Variants in GRB10 observed in about 807,000 individuals in gnomAD.
GRB10 encodes growth factor receptor bound protein 10, also known as growth factor receptor-bound protein 10.
In GRB10, 20 loss-of-function variants were observed where a neutral mutation model predicts 80.9. That is an observed-to-expected ratio of 0.25 (90% CI 0.17 to 0.36). The LOEUF is 0.36. GRB10 is among the 10% of genes least tolerant of loss of function. GRB10 has a pLI of 1.00. For synonymous variants in GRB10, 291 were observed against 291.5 expected (o/e 1.00, Z 0.02); for missense variants, 548 against 747.7 (o/e 0.73, Z 3.12).
chr7:50,670,557 T>C (rs936564995), intron 6 of GRB10, among the ~76,000 whole-genome samples: 4 of 150,326 alleles, frequency 2.7e-5, no homozygotes, highest in African/African-American at 4.9e-5. Flanking sequence ...GAAGTTTTGT[T>C]GTCCTGGGTG....
At chr7:50,721,452 C>G (rs1237935237) in intron 4 of GRB10, among the ~76,000 whole-genome samples, 1 of 152,166 alleles carries the variant, frequency 6.6e-6, no homozygotes, top group Non-Finnish European at 1.5e-5. Context: ...TTCAAGTAGC[C>G]CTTACTATAC....
At chr7:50,681,853 C>T (rs922592082) in intron 5 of GRB10, among the ~76,000 whole-genome samples, 2 of 152,250 alleles carry the variant, frequency 1.3e-5, no homozygotes, top group Non-Finnish European at 2.9e-5. Context: ...CCCTAGCCTT[C>T]CTGCTTCTGC....
chr7:50,750,222 C>A (rs892846531), intron 3 of GRB10, among the ~76,000 whole-genome samples: 1 of 152,250 alleles, frequency 6.6e-6, no homozygotes, highest in Non-Finnish European at 1.5e-5. Flanking sequence ...CTCTTGGGAG[C>A]TGCCAAGGCA....
intron 6 of GRB10, among the ~76,000 whole-genome samples, chr7:50,670,067 G>C (rs1271227967): frequency 6.6e-6 from 1 of 152,214 alleles, no homozygotes; most frequent in East Asian, 1.9e-4. Flanking sequence ...TGAACAATAT[G>C]TGGCATATCC....
chr7:50,621,493 G>A (rs1334622474), intron 8 of GRB10, among the ~76,000 whole-genome samples: 1 of 152,216 alleles, frequency 6.6e-6, no homozygotes, highest in Non-Finnish European at 1.5e-5. Context: ...CGTGGCAGGT[G>A]ACCCCTTTCT....
intron 9 of GRB10, among the ~76,000 whole-genome samples, chr7:50,618,452 C>A (rs2190499): frequency 6.6e-6 from 1 of 152,120 alleles, no homozygotes. Flanking sequence ...AAGTGCACAG[C>A]GTGAGATAAA....
intron 2 of GRB10, among the ~76,000 whole-genome samples, chr7:50,777,911 G>C (rs2077866856): frequency 6.6e-6 from 1 of 152,142 alleles, no homozygotes; most frequent in Admixed American, 6.5e-5. Context: ...ACCAGGGCCT[G>C]TCAGGGAGGG....
chr7:50,717,450 A>AGT (rs10559456), intron 4 of GRB10, among the ~76,000 whole-genome samples: 6,182 of 151,572 alleles, frequency 0.041, 207 homozygotes, highest in East Asian at 0.16. Context: ...AAGCTTGAAG[A>AGT]GTGTGTGTGT....
chr7:50,627,259 C>A (rs567934012), intron 7 of GRB10, among the ~76,000 whole-genome samples: 1 of 152,238 alleles, frequency 6.6e-6, no homozygotes, highest in Non-Finnish European at 1.5e-5. Flanking sequence ...ACGGCTAAAC[C>A]ACCAAACCTG....
intron 9 of GRB10, among the ~76,000 whole-genome samples, chr7:50,618,856 A>G (rs906569137): frequency 6.6e-6 from 1 of 152,278 alleles, no homozygotes; most frequent in Non-Finnish European, 1.5e-5. Context: ...GTGTTTGATC[A>G]GTTCAACTGA....
At chr7:50,777,427 T>TACACACACACACACAC (rs1165846037) in intron 2 of GRB10, among the ~76,000 whole-genome samples, 5 of 24,476 alleles carry the variant, frequency 2.0e-4, no homozygotes, top group East Asian at 3.1e-3. Flanking sequence ...CAGCAATCTG[T>TACACACACACACACAC]ATACACACAC....
chr7:50,699,902 G>A (rs759524000), intron 5 of GRB10, among the ~76,000 whole-genome samples: 3 of 152,142 alleles, frequency 2.0e-5, no homozygotes, highest in Admixed American at 6.5e-5. Flanking sequence ...TTGGGAGGCC[G>A]AGGCGGGCAG....
chr7:50,592,853 C>T lies in GRB10; in HGVS notation c.*99G>A. ...AACAAACCCATCTCGCTCTGGGTCC[C>T]CAGGTGCAGAATCGATGTGTGTTCT... On this transcript the variant is annotated 3_prime_UTR_variant, in exon 19 of 19. Coordinates refer to ENST00000401949, the MANE Select transcript of GRB10 (RefSeq NM_001350814.2). 7.3e-7 allele frequency: 1 copy of T among 1,367,814 alleles called. No homozygotes were observed. Among genetic ancestry groups the T allele is most frequent in the South Asian group, 1.2e-5 (1 of 85,678 alleles). 84.7% of individuals were successfully genotyped at this position (1,367,814 alleles called of 1,614,324 possible). A position where few individuals can be genotyped will look rare whatever the true frequency, so the allele number is the denominator to read the frequency against.
At position 50,640,219 on chromosome 7, in the gene GRB10, C is replaced by T. The variant is rs575243838; in HGVS notation, c.505-13241G>A. The stretch of plus-strand genomic sequence containing the variant: ...TCAGCTAGAGATTTCTGTTTTCACA[C>T]ATGACTCCTTGTTGGGTATGGTTTT... On this transcript the variant is annotated intron_variant, in intron 7 of 18. Transcript: ENST00000401949. Among the ~76,000 whole-genome samples the T allele has an allele frequency of 9.8e-5, 15 of 152,362 alleles. No homozygotes were observed. The South Asian group carries it at 3.1e-3, about 32-fold the overall frequency.
intron 5 of GRB10, among the ~76,000 whole-genome samples, chr7:50,682,823 C>T (rs2061691808): frequency 6.6e-6 from 1 of 152,146 alleles, no homozygotes; most frequent in South Asian, 2.1e-4. Flanking sequence ...GGGAGGGAAA[C>T]ATAAATCTGT....
intron 17 of GRB10, among the ~76,000 whole-genome samples, chr7:50,598,898 G>A (rs1047470593): frequency 6.6e-6 from 1 of 151,582 alleles, no homozygotes; most frequent in Non-Finnish European, 1.5e-5. Context: ...CACAGGGATC[G>A]ATGCCTGGCA....
Position 50,605,414 on chromosome 7 carries a change from G to C in GRB10, c.1273-8C>G. On this transcript the variant is annotated splice_region_variant and splice_polypyrimidine_tract_variant and intron_variant, in intron 14 of 18. Transcript: ENST00000401949. ...GTTCTCGGAGACACTGCGCTGAAAA[G>C]GAAAGGCCGCAGTTCTTAAAATGCA... 2 of 1,606,158 alleles carry C rather than the reference G, an allele frequency of 1.2e-6. No individual in the cohort carries two copies. Among genetic ancestry groups the C allele is most frequent in the South Asian group, 2.2e-5 (2 of 90,932 alleles).
At chr7:50,742,267 GCGCGCACACACACACA>G (rs1435125015) in intron 3 of GRB10, among the ~76,000 whole-genome samples, 14 of 30,932 alleles carry the variant, frequency 4.5e-4, no homozygotes, top group Admixed American at 1.4e-3. Flanking sequence ...GCGCACGCGC[GCGCGCACACACACACA>G]CACACACACA....
intron 7 of GRB10, among the ~76,000 whole-genome samples, chr7:50,660,436 G>A (rs1044724330): frequency 5.9e-5 from 9 of 152,178 alleles, no homozygotes; most frequent in African/African-American, 2.2e-4. Context: ...CAGCCGTGGT[G>A]CAGATTTGAC....
Sources: allele counts gnomAD v4.1 joint callset (sites outside exome capture counted in the v4.1 genomes callset), GRCh38; gene constraint gnomAD v4.1.1; transcripts MANE v1.5; gene names NCBI Gene and HGNC (gene_info 2026-07-23, HGNC 2026-07-21).